Variants in RNF41 observed in about 807,000 individuals in gnomAD.
The protein encoded by RNF41 is ring finger protein 41.
Under a neutral mutation model 33.0 loss-of-function variants are expected in RNF41, and 4 were observed. The observed-to-expected ratio is 0.12, with a 90% CI of 0.06 to 0.28. RNF41 has a LOEUF of 0.28. Among genes scored for constraint, RNF41 ranks in the 10% least tolerant of loss-of-function variants. RNF41 has a pLI of 1.00. For synonymous variants in RNF41, 164 were observed against 153.2 expected, an observed-to-expected ratio of 1.07 and a Z score of -0.52; for missense variants, 228 against 432.6, an observed-to-expected ratio of 0.53 and a Z score of 4.19.
In RNF41 at chr12:56,206,452, T is replaced by A. The variant is rs1250175573; in HGVS notation, c.949A>T (p.Ile317Leu). The A allele has an allele frequency of 1.9e-6, 3 of 1,608,354 alleles. No individual in the cohort carries two copies. Among genetic ancestry groups the A allele is most frequent in the African/African-American group, 1.3e-5 (1 of 74,880 alleles). The change falls in exon 7 of 7, where the codon ATA (isoleucine) becomes TTA (leucine). Residue 317 changes from isoleucine to leucine, a missense_variant. Transcript: ENST00000345093. This position sits in a 1 kb window ranked among gnomAD's most constrained non-coding sequence, Gnocchi z 5.7. ...TGATAGCCAGTCGAGTTCTCTTATA[T>A]CTCTTCCACGCCATGCGCAAATATC... ...VMIFAHGVEE[I>L]
At chr12:56,214,616 G>A (rs938003115) in intron 2 of RNF41, among the ~76,000 whole-genome samples, 1 of 151,672 alleles carries the variant, frequency 6.6e-6, no homozygotes, top group African/African-American at 2.4e-5. Flanking sequence ...ATGAGCTGAG[G>A]TCAGGAGTTC....
chr12:56,219,431 G>A (rs1284640656), intron 1 of RNF41, among the ~76,000 whole-genome samples: 1 of 150,938 alleles, frequency 6.6e-6, no homozygotes, highest in Non-Finnish European at 1.5e-5. Context: ...TCCTGACCTC[G>A]TGATCTGCCT....
Position 56,204,310 on chromosome 12 carries a change from G to A in RNF41, c.*2137C>T, listed in dbSNP as rs1878737949. The A allele has an allele frequency of 6.6e-6, 1 of 152,232 alleles. No homozygotes were observed. Among genetic ancestry groups the A allele is most frequent in the African/African-American group, 2.4e-5 (1 of 41,438 alleles). The allele number at this position is 152,232 out of a possible 1,614,324, so 9.4% of individuals were successfully genotyped here. On this transcript the variant is annotated 3_prime_UTR_variant, in exon 7 of 7. Transcript: ENST00000345093. ...TTTGGCTGCTACAGAACAGGAGATA[G>A]GAGGGAAGAATGCAGGAGGGTACAT...
At chr12:56,219,009 C>CTT (rs1369281939) in intron 1 of RNF41, among the ~76,000 whole-genome samples, 5 of 142,144 alleles carry the variant, frequency 3.5e-5, no homozygotes, top group African/African-American at 1.3e-4. Flanking sequence ...GCCTATTTTT[C>CTT]TTTTTTTTTT....
chr12:56,217,096 C>T (rs1486937604), intron 1 of RNF41, among the ~76,000 whole-genome samples: 1 of 149,610 alleles, frequency 6.7e-6, no homozygotes, highest in African/African-American at 2.5e-5. Context: ...GCCGAGACCG[C>T]GCCACCGCAC....
At chr12:56,208,101 C>T (rs111871290) in intron 5 of RNF41, 62 bp downstream of exon 5, 2 of 1,602,658 alleles carry the variant, frequency 1.2e-6, no homozygotes, top group South Asian at 1.1e-5. Flanking sequence ...GTTTTTATTA[C>T]CCACAGGCAG....
chr12:56,211,608 T>C (rs1816930638), intron 3 of RNF41, among the ~76,000 whole-genome samples: 1 of 152,052 alleles, frequency 6.6e-6, no homozygotes, highest in East Asian at 1.9e-4. Context: ...GAATTTGATA[T>C]GGGTCTTGAA....
chr12:56,207,052 A>C, intron 6 of RNF41: 1 of 1,277,098 alleles, frequency 7.8e-7, no homozygotes, highest in South Asian at 1.6e-5. Context: ...TCCAATACTT[A>C]GCACATATAG....
Position 56,210,558 on chromosome 12 carries a change from C to T in RNF41, c.101G>A (p.Cys34Tyr). Residue 34 changes from cysteine to tyrosine, a missense_variant, in exon 4 of 7, where the codon TGT becomes TAT. Physicochemically the swap from Cys to Tyr is radical, Grantham distance 194. Around this residue, in one of 2 missense-constraint regions of RNF41, gnomAD observed 29 missense variants for 98.0 expected, o/e 0.30. Transcript: ENST00000345093. ...GCAGGCGTTGCAGAAAGCATGTTCA[C>T]AATGAGGTGCCTAGAAGAGAGAACA... ...VLEEPVQAPH[C>Y]EHAFCNACIT... 6.2e-7 allele frequency: 1 copy of T among 1,612,828 alleles called. No individual in the cohort carries two copies. The highest frequency in any genetic ancestry group is 8.5e-7 in the Non-Finnish European group (1 of 1,179,972).
rs1433175856 is a variant in RNF41 at position 56,202,497 on chromosome 12, G to A, written c.*3950C>T. ...CTGTTGTAATGTGAAAGCAGCCACA[G>A]ACAATATATAAACAAGTGGGCATAA... On this transcript the variant is annotated 3_prime_UTR_variant, in exon 7 of 7. Transcript: ENST00000345093. 6.6e-6 allele frequency: 1 copy of A among 152,166 alleles called. No homozygotes were observed. The highest frequency in any genetic ancestry group is 2.4e-5 in the African/African-American group (1 of 41,450). The allele number at this position is 152,166 out of a possible 1,614,324, so 9.4% of individuals were successfully genotyped here. A position where few individuals can be genotyped will look rare whatever the true frequency, so the allele number is the denominator to read the frequency against.
chr12:56,206,450 T>A lies in RNF41; in HGVS notation c.951A>T (p.Ile317=), dbSNP rs1210475352. ...VMIFAHGVEE[I] is the part of the protein sequence containing the mutation. The stretch of plus-strand genomic sequence containing the variant: ...CCTGATAGCCAGTCGAGTTCTCTTA[T>A]ATCTCTTCCACGCCATGCGCAAATA... The change falls in exon 7 of 7, where the codon ATA becomes ATT. Residue 317 remains isoleucine, a synonymous_variant. Transcript: ENST00000345093. The surrounding 1 kb of genome is among the most constrained non-coding windows in gnomAD (Gnocchi z 5.7). 2 of 1,607,892 alleles carry A rather than the reference T, an allele frequency of 1.2e-6. No individual in the cohort carries two copies. The highest frequency in any genetic ancestry group is 1.7e-6 in the Non-Finnish European group (2 of 1,176,000).
intron 1 of RNF41, among the ~76,000 whole-genome samples, chr12:56,218,954 G>A (rs185819739): frequency 2.7e-5 from 4 of 149,656 alleles, no homozygotes; most frequent in Admixed American, 6.6e-5. Flanking sequence ...CGCCCGCCTC[G>A]GCCTCCCAAA....
At chr12:56,207,580 G>C (rs1184263849) in intron 6 of RNF41, 66 bp downstream of exon 6, 1 of 1,221,570 alleles carries the variant, frequency 8.2e-7, no homozygotes, top group Middle Eastern at 2.0e-4. Flanking sequence ...CTACTCTCCT[G>C]CTCTTCCTCC....
At chr12:56,215,875 A>T (rs1868851431) in intron 2 of RNF41, among the ~76,000 whole-genome samples, 1 of 152,012 alleles carries the variant, frequency 6.6e-6, no homozygotes, top group Non-Finnish European at 1.5e-5. Flanking sequence ...TAATCCTAGC[A>T]CTTTGGGAGG....
Position 56,206,080 on chromosome 12 carries a change from A to G in RNF41, c.*367T>C. On this transcript the variant is annotated 3_prime_UTR_variant, in exon 7 of 7. Transcript: ENST00000345093. The surrounding 1 kb of genome is among the most constrained non-coding windows in gnomAD (Gnocchi z 5.7). ...TGCTCTGATTCCCTGGTTTTGGAGG[A>G]GAGGGACGATTAGAGATTCCTTCCT... The G allele has an allele frequency of 4.9e-6, 1 of 202,900 alleles. No homozygotes were observed. Among genetic ancestry groups the G allele is most frequent in the South Asian group, 9.9e-5 (1 of 10,058 alleles). 12.6% of individuals were successfully genotyped at this position (202,900 alleles called of 1,614,324 possible).
chr12:56,207,225 T>A (rs1868286733), intron 6 of RNF41: 2 of 1,327,130 alleles, frequency 1.5e-6, no homozygotes, highest in South Asian at 2.5e-5. Context: ...AGACTTCACT[T>A]GTATACTTCG....
At chr12:56,220,163 T>C (rs1268630204) in intron 1 of RNF41, among the ~76,000 whole-genome samples, 1 of 152,046 alleles carries the variant, frequency 6.6e-6, no homozygotes, top group East Asian at 1.9e-4. Context: ...CCTAGCACTT[T>C]GGGAAGCCGA....
chr12:56,212,021 T>C (rs1249557308), intron 3 of RNF41, among the ~76,000 whole-genome samples: 5 of 150,062 alleles, frequency 3.3e-5, no homozygotes, highest in African/African-American at 7.4e-5. Flanking sequence ...TGGTGGCTCA[T>C]GCCTGTAATC....
intron 1 of RNF41, among the ~76,000 whole-genome samples, chr12:56,218,913 A>G (rs927448837): frequency 6.6e-6 from 1 of 150,478 alleles, no homozygotes; most frequent in Non-Finnish European, 1.5e-5. Flanking sequence ...CATGTTGGCC[A>G]GGATGGTCTC....
Sources: allele counts gnomAD v4.1 joint callset (sites outside exome capture counted in the v4.1 genomes callset), GRCh38; gene constraint gnomAD v4.1.1; regional missense constraint gnomAD v4.1.1; non-coding constraint Gnocchi (gnomAD v3.1); transcripts MANE v1.5; gene names NCBI Gene and HGNC (gene_info 2026-07-23, HGNC 2026-07-21).